Variants in RBM19 observed in about 807,000 individuals in gnomAD.
The protein encoded by RBM19 is RNA binding motif protein 19.
Under a neutral mutation model 116.8 loss-of-function variants are expected in RBM19, and 94 were observed. The observed-to-expected ratio is 0.80, with a 90% CI of 0.68 to 0.95. The LOEUF (loss-of-function observed/expected upper bound fraction) is 0.95. Among genes scored for constraint, RBM19 ranks in the 40% least tolerant of loss-of-function variants. RBM19 has a pLI of 0.00. For synonymous variants in RBM19, 475 were observed against 494.1 expected (o/e 0.96, Z 0.51); for missense variants, 1,161 against 1,220.7 (o/e 0.95, Z 0.73).
chr12:113,826,130 G>A (rs1487756726), intron 23 of RBM19, among the ~76,000 whole-genome samples: 1 of 152,120 alleles, frequency 6.6e-6, no homozygotes, highest in African/African-American at 2.4e-5. Context: ...CCACTCAGGG[G>A]CCTTACCTTT....
chr12:113,816,783 A>T (rs1203485258), exon 25 of RBM19: 1 of 152,200 alleles, frequency 6.6e-6, no homozygotes, highest in African/African-American at 2.4e-5. Context: ...AAAAATGATT[A>T]CATATTATTA....
intron 21 of RBM19, among the ~76,000 whole-genome samples, chr12:113,897,407 C>T (rs1464895870): frequency 6.6e-6 from 1 of 152,240 alleles, no homozygotes; most frequent in Non-Finnish European, 1.5e-5. Flanking sequence ...CTCAAGTAAT[C>T]CATCTACTTT....
chr12:113,879,431 T>TTTTATATATATA (rs1555234780), intron 21 of RBM19, among the ~76,000 whole-genome samples: 1 of 132,630 alleles, frequency 7.5e-6, no homozygotes, highest in Non-Finnish European at 1.6e-5. Flanking sequence ...TACATACATT[T>TTTTATATATATA]TATATATATA....
chr12:113,895,003 C>CCACTTAGGCCAGCAGCCAGGGAACTTCA (rs1231891883), intron 21 of RBM19, among the ~76,000 whole-genome samples: 18 of 152,338 alleles, frequency 1.2e-4, no homozygotes, highest in African/African-American at 4.3e-4. Context: ...ACAATGAGAA[C>CCACTTAGGCCAGCAGCCAGGGAACTTCA]CACTTAGGCC....
At chr12:113,830,588 G>GGGGGT (rs1875320580) in intron 23 of RBM19, among the ~76,000 whole-genome samples, 1 of 90,718 alleles carries the variant, frequency 1.1e-5, no homozygotes, top group African/African-American at 4.2e-5. Context: ...GGGGGGGGGG[G>GGGGGT]GTGGGCTATG....
At chr12:113,816,841 G>C (rs1874058128) in exon 25 of RBM19, 1 of 152,220 alleles carries the variant, frequency 6.6e-6, no homozygotes, top group Non-Finnish European at 1.5e-5. Flanking sequence ...TAACCCGAGA[G>C]GCCGCTTTCA....
chr12:113,911,532 G>A (rs6489927), intron 21 of RBM19, among the ~76,000 whole-genome samples: 55,338 of 152,068 alleles, frequency 0.36, 10,570 homozygotes, highest in South Asian at 0.51. Context: ...GTTTGGTGCT[G>A]TTGAACACCA....
At chr12:113,900,888 T>C (rs1881643980) in intron 21 of RBM19, among the ~76,000 whole-genome samples, 1 of 152,088 alleles carries the variant, frequency 6.6e-6, no homozygotes, top group Non-Finnish European at 1.5e-5. Flanking sequence ...TCAGTAAACA[T>C]CCCTCCCAAA....
intron 20 of RBM19, among the ~76,000 whole-genome samples, chr12:113,915,874 G>T (rs1407901043): frequency 6.6e-6 from 1 of 152,106 alleles, no homozygotes; most frequent in Non-Finnish European, 1.5e-5. Flanking sequence ...ACCATGTTAG[G>T]ACTTACCTCC....
At chr12:113,882,037 G>A (rs185873586) in intron 21 of RBM19, among the ~76,000 whole-genome samples, 1 of 152,298 alleles carries the variant, frequency 6.6e-6, no homozygotes, top group East Asian at 1.9e-4. Context: ...AATCCTCCAG[G>A]CCCCCATGGG....
intron 21 of RBM19, among the ~76,000 whole-genome samples, chr12:113,907,484 G>A (rs899870164): frequency 1.2e-4 from 19 of 152,330 alleles, no homozygotes; most frequent in African/African-American, 4.1e-4. Context: ...ATGAAAGCAC[G>A]CATTCATTCC....
At chr12:113,833,287 C>T (rs186151927) in intron 23 of RBM19, among the ~76,000 whole-genome samples, 22 of 152,336 alleles carry the variant, frequency 1.4e-4, no homozygotes, top group Non-Finnish European at 2.6e-4. Context: ...TACCTTTACC[C>T]AAAATGCTCA....
intron 21 of RBM19, among the ~76,000 whole-genome samples, chr12:113,872,097 C>T (rs1423601072): frequency 4.1e-5 from 6 of 146,404 alleles, no homozygotes; most frequent in South Asian, 2.3e-4. Context: ...TCTTCCCAGC[C>T]GCCATCACAT....
intron 23 of RBM19, among the ~76,000 whole-genome samples, chr12:113,840,236 T>C (rs1477000812): frequency 6.6e-6 from 1 of 152,220 alleles, no homozygotes; most frequent in Non-Finnish European, 1.5e-5. Context: ...AAAAATGCAA[T>C]GAGGAATTCA....
rs760586125 is a variant in RBM19, at chr12:113,942,399, C to G, written c.1662G>C (p.Leu554=). 1 of 1,609,334 alleles carries G rather than the reference C, an allele frequency of 6.2e-7. No individual in the cohort carries two copies. Among genetic ancestry groups the G allele is most frequent in the Non-Finnish European group, 8.5e-7 (1 of 1,179,918 alleles). The part of the protein sequence containing the change: ...TKGSVAVRVA[L]GETQLVQEVR... Reference sequence around the variant, plus strand: ...CTTCCTGGACGAGCTGGGTTTCCCCCAGAGCCACGCGCACGGCCACGCTGC... The same window carrying G: ...CTTCCTGGACGAGCTGGGTTTCCCCGAGAGCCACGCGCACGGCCACGCTGC... Residue 554 remains leucine (L), a synonymous_variant, in exon 14 of 24, where the codon CTG becomes CTC. Transcript: ENST00000261741.
At chr12:113,885,707 G>A (rs1429146822) in intron 21 of RBM19, among the ~76,000 whole-genome samples, 3 of 152,214 alleles carry the variant, frequency 2.0e-5, no homozygotes, top group African/African-American at 7.2e-5. Flanking sequence ...ACCAGTATGG[G>A]AATATAGAGA....
In RBM19 at chr12:113,822,854, G is replaced by T; in HGVS notation, c.*370C>A. On this transcript the variant is annotated 3_prime_UTR_variant, in exon 24 of 24. Transcript: ENST00000261741. Reference sequence around the variant, plus strand: ...CCAAGCAGCCTGATGCCAGAGAGCTGGCCCTCGTCCCCTTACTCTCCTGGG... The same window carrying T: ...CCAAGCAGCCTGATGCCAGAGAGCTTGCCCTCGTCCCCTTACTCTCCTGGG... The T allele has an allele frequency of 5.7e-6, 1 of 175,520 alleles. No homozygotes were observed. The highest frequency in any genetic ancestry group is 1.2e-5 in the Non-Finnish European group (1 of 83,670). The allele number at this position is 175,520 out of a possible 1,614,324, so 10.9% of individuals were successfully genotyped here.
chr12:113,929,493 G>A (rs1869413452), intron 16 of RBM19, among the ~76,000 whole-genome samples: 1 of 152,170 alleles, frequency 6.6e-6, no homozygotes, highest in East Asian at 1.9e-4. Flanking sequence ...GAGACTCCAT[G>A]GTGTGGCCCT....
At chr12:113,955,313 C>A (rs549370228) in intron 6 of RBM19, 102 bp from the exon 7 acceptor site, 5 of 1,126,076 alleles carry the variant, frequency 4.4e-6, no homozygotes, top group South Asian at 1.3e-5. Flanking sequence ...AGGTGCCTGC[C>A]GCCAGGGGGA....
Sources: allele counts gnomAD v4.1 joint callset (sites outside exome capture counted in the v4.1 genomes callset), GRCh38; gene constraint gnomAD v4.1.1; transcripts MANE v1.5; gene names NCBI Gene and HGNC (gene_info 2026-07-23, HGNC 2026-07-21).